Variants in CCDC91 observed in about 807,000 individuals in gnomAD.
The protein encoded by CCDC91 is coiled-coil domain containing 91.
Under a neutral mutation model 63.2 loss-of-function variants are expected in CCDC91, and 48 were observed. That is an observed-to-expected ratio of 0.76 (90% CI 0.60 to 0.97). The LOEUF is 0.97. Among genes scored for constraint, CCDC91 ranks in the 50% least tolerant of loss-of-function variants. CCDC91 has a pLI of 0.00. For missense variants in CCDC91, 500 were observed against 494.6 expected, an observed-to-expected ratio of 1.01 and a Z score of -0.10; for synonymous variants, 167 against 165.8, an observed-to-expected ratio of 1.01 and a Z score of -0.06.
intron 12 of CCDC91, among the ~76,000 whole-genome samples, chr12:28,529,198 A>G (rs370813020): frequency 1.2e-4 from 19 of 152,238 alleles, no homozygotes; most frequent in South Asian, 4.1e-4. Context: ...ACAGACTGTT[A>G]TTTTGTGTTT....
chr12:28,417,620 G>GATAT (rs34996637), intron 8 of CCDC91, among the ~76,000 whole-genome samples: 8,378 of 139,622 alleles, frequency 0.06, 241 homozygotes, highest in African/African-American at 0.085. Flanking sequence ...GAACCTTTGA[G>GATAT]ATATATATAT....
intron 12 of CCDC91, among the ~76,000 whole-genome samples, chr12:28,517,806 G>T (rs1282363339): frequency 6.6e-6 from 1 of 151,762 alleles, no homozygotes; most frequent in Non-Finnish European, 1.5e-5. Context: ...TTCCCCCTGA[G>T]TCCCGAAAGT....
At chr12:28,279,204 T>G (rs1948435461) in intron 3 of CCDC91, among the ~76,000 whole-genome samples, 1 of 151,202 alleles carries the variant, frequency 6.6e-6, no homozygotes, top group Non-Finnish European at 1.5e-5. Context: ...TACTTGTATT[T>G]TAATCTTCCA....
intron 1 of CCDC91, among the ~76,000 whole-genome samples, chr12:28,193,150 A>C (rs1250855595): frequency 1.3e-5 from 2 of 152,176 alleles, no homozygotes; most frequent in Non-Finnish European, 2.9e-5. Context: ...TTTGATGAAC[A>C]ATTTTTGGCA....
At chr12:28,518,467 G>A (rs1319913043) in intron 12 of CCDC91, among the ~76,000 whole-genome samples, 2 of 151,452 alleles carry the variant, frequency 1.3e-5, no homozygotes, top group Non-Finnish European at 3.0e-5. Context: ...TGATAATTGT[G>A]TAAAGTCCTT....
chr12:28,201,169 G>A (rs879206375), intron 1 of CCDC91, among the ~76,000 whole-genome samples: 12 of 150,524 alleles, frequency 8.0e-5, no homozygotes, highest in Middle Eastern at 3.6e-3. Flanking sequence ...GCTGCTGGGC[G>A]GAGACGCTCC....
At chr12:28,331,729 C>T (rs1941530393) in intron 6 of CCDC91, among the ~76,000 whole-genome samples, 1 of 152,160 alleles carries the variant, frequency 6.6e-6, no homozygotes, top group South Asian at 2.1e-4. Context: ...TTTAAAATCA[C>T]TGTTAGAAAC....
At chr12:28,482,893 A>G (rs1951521419) in intron 11 of CCDC91, among the ~76,000 whole-genome samples, 1 of 151,974 alleles carries the variant, frequency 6.6e-6, no homozygotes, top group Non-Finnish European at 1.5e-5. Flanking sequence ...TTGGTAAAAT[A>G]AATTATTATG....
intron 3 of CCDC91, among the ~76,000 whole-genome samples, chr12:28,285,571 C>T (rs1018111856): frequency 1.3e-5 from 2 of 151,674 alleles, no homozygotes; most frequent in Non-Finnish European, 1.5e-5. Flanking sequence ...AATGATATTG[C>T]AGCAATTTGC....
chr12:28,540,951 G>T (rs550194591), intron 12 of CCDC91, among the ~76,000 whole-genome samples: 4 of 152,112 alleles, frequency 2.6e-5, no homozygotes, highest in Non-Finnish European at 5.9e-5. Context: ...TACTGAGTGG[G>T]TTTGGAAGCA....
intron 12 of CCDC91, among the ~76,000 whole-genome samples, chr12:28,532,533 G>A (rs1045506502): frequency 6.6e-6 from 1 of 151,976 alleles, no homozygotes. Context: ...GAGAGACAGA[G>A]GGATGAATAC....
intron 6 of CCDC91, among the ~76,000 whole-genome samples, chr12:28,323,411 A>C (rs1369847888): frequency 6.6e-6 from 1 of 151,856 alleles, no homozygotes; most frequent in Non-Finnish European, 1.5e-5. Context: ...TCTTATTTGG[A>C]ATGCATCTTT....
At chr12:28,427,485 C>T (rs965548712) in intron 8 of CCDC91, among the ~76,000 whole-genome samples, 31 of 152,108 alleles carry the variant, frequency 2.0e-4, no homozygotes, top group Non-Finnish European at 3.2e-4. Flanking sequence ...ACTAACCCCC[C>T]GACCCCACCC....
intron 12 of CCDC91, among the ~76,000 whole-genome samples, chr12:28,533,157 A>G (rs929552635): frequency 2.0e-5 from 3 of 152,070 alleles, no homozygotes; most frequent in African/African-American, 7.2e-5. Context: ...TTTAATATTT[A>G]TTATGCTTAA....
intron 8 of CCDC91, among the ~76,000 whole-genome samples, chr12:28,430,312 A>G (rs1188163709): frequency 2.0e-5 from 3 of 152,062 alleles, no homozygotes; most frequent in African/African-American, 4.8e-5. Flanking sequence ...CTTCAAGGTA[A>G]TATTACCTTA....
intron 1 of CCDC91, among the ~76,000 whole-genome samples, chr12:28,205,248 T>G (rs1396855531): frequency 6.6e-6 from 1 of 152,098 alleles, no homozygotes; most frequent in Non-Finnish European, 1.5e-5. Flanking sequence ...CAGACTTTTT[T>G]TTTTTAACAT....
chr12:28,333,157 A>T (rs1048691247), intron 6 of CCDC91, among the ~76,000 whole-genome samples: 5 of 151,966 alleles, frequency 3.3e-5, no homozygotes, highest in African/African-American at 1.2e-4. Context: ...GCACTTTGGG[A>T]GGCTGAGGCA....
chr12:28,366,378 G>A (rs1046802569), intron 7 of CCDC91, among the ~76,000 whole-genome samples: 2 of 152,156 alleles, frequency 1.3e-5, no homozygotes, highest in Non-Finnish European at 2.9e-5. Context: ...CGAAAAGCCT[G>A]CTTTCTCTAA....
chr12:28,355,938 T>G (rs192549810), intron 6 of CCDC91, among the ~76,000 whole-genome samples: 1 of 152,260 alleles, frequency 6.6e-6, no homozygotes, highest in African/African-American at 2.4e-5. Flanking sequence ...GGGCATCCAT[T>G]TTAGTATTGG....
Sources: gnomAD v4.1 joint callset for allele counts (sites outside exome capture counted in the v4.1 genomes callset) on GRCh38, gnomAD v4.1.1 for gene constraint, MANE v1.5 for transcripts, NCBI Gene and HGNC (gene_info 2026-07-23, HGNC 2026-07-21) for gene names.